The following ZFHX4 variants were observed in gnomAD, a reference collection of about 807,000 sequenced individuals.
ZFHX4 encodes zinc finger homeobox 4.
Under a neutral mutation model 267.6 loss-of-function variants are expected in ZFHX4, and 56 were observed. That is an observed-to-expected ratio of 0.21 (90% CI 0.17 to 0.26). The LOEUF is 0.26. Ranked by LOEUF, ZFHX4 falls within the 10% of genes least tolerant of loss-of-function variation. ZFHX4 has a pLI of 1.00. For synonymous variants in ZFHX4, 1,778 were observed against 1,665.6 expected (o/e 1.07, Z -1.64); for missense variants, 4,332 against 4,420.0 (o/e 0.98, Z 0.56).
intron 3 of ZFHX4, among the ~76,000 whole-genome samples, chr8:76,743,104 T>C (rs1029620707): frequency 2.0e-5 from 3 of 152,148 alleles, no homozygotes; most frequent in Non-Finnish European, 2.9e-5. Context: ...TGCAGAAGTA[T>C]GGGGAAAAGG....
chr8:76,701,332 T>C (rs1808097575), intron 1 of ZFHX4, among the ~76,000 whole-genome samples: 1 of 152,152 alleles, frequency 6.6e-6, no homozygotes, highest in Non-Finnish European at 1.5e-5. Context: ...TAGTTTCTGA[T>C]TTATGTGTAG....
At position 76,866,384 on chromosome 8, in the gene ZFHX4, T is replaced by C. The variant is rs2131990678; in HGVS notation, c.*1819T>C. On this transcript the variant is annotated 3_prime_UTR_variant, in exon 11 of 11. Transcript: ENST00000651372. ...ATTTTACATTTTATTATTGTACAGT[T>C]TTTGTTTCGGATGATGATCACAGCA... The C allele has an allele frequency of 6.5e-6, 1 of 152,680 alleles. No homozygotes were observed. The highest frequency in any genetic ancestry group is 2.4e-5 in the African/African-American group (1 of 41,560). The allele number at this position is 152,680 out of a possible 1,614,324, so 9.5% of individuals were successfully genotyped here.
intron 5 of ZFHX4, among the ~76,000 whole-genome samples, chr8:76,837,083 T>A (rs1328322973): frequency 6.6e-6 from 1 of 152,106 alleles, no homozygotes; most frequent in East Asian, 1.9e-4. Flanking sequence ...ATAGACTTTT[T>A]GGACATCCAG....
At chr8:76,717,482 T>C (rs1808607602) in intron 3 of ZFHX4, among the ~76,000 whole-genome samples, 1 of 152,216 alleles carries the variant, frequency 6.6e-6, no homozygotes, top group Non-Finnish European at 1.5e-5. Flanking sequence ...TATTAAAGAA[T>C]GTTCATTTAC....
intron 3 of ZFHX4, among the ~76,000 whole-genome samples, chr8:76,770,800 A>G (rs571159146): frequency 1.8e-4 from 28 of 152,242 alleles, no homozygotes; most frequent in African/African-American, 6.0e-4. Flanking sequence ...TAAATTGTCA[A>G]GGCTGAGGGA....
intron 4 of ZFHX4, chr8:76,782,236 G>A (rs1022997433): frequency 1.2e-5 from 5 of 422,780 alleles, no homozygotes; most frequent in Non-Finnish European, 2.4e-5. Context: ...TAATAGATGT[G>A]AGGAATTTCT....
In ZFHX4 at chr8:76,851,779, A is replaced by C; in HGVS notation, c.4858A>C (p.Lys1620Gln). ...CATGAGGTCTGTGCTCCACCAGACA[A>C]AGGCTAGGGCTGCAAAGCTGGAGCC... ...IHMRSVLHQT[K>Q]ARAAKLEPSG... Residue 1620 changes from lysine to glutamine, a missense_variant, in exon 10 of 11, where the codon AAG becomes CAG. By Grantham distance (53) the Lys-to-Gln change is moderately conservative. Around this residue, in one of 7 missense-constraint regions of ZFHX4, gnomAD observed 1,371 missense variants for 1,423.1 expected, o/e 0.96. Coordinates refer to ENST00000651372, the MANE Select transcript of ZFHX4 (RefSeq NM_024721.5). 1 of 1,613,978 alleles carries C rather than the reference A, an allele frequency of 6.2e-7. No homozygotes were observed. Among genetic ancestry groups the C allele is most frequent in the South Asian group, 1.1e-5 (1 of 91,082 alleles).
chr8:76,718,649 G>T (rs1303408653), intron 3 of ZFHX4, among the ~76,000 whole-genome samples: 1 of 152,024 alleles, frequency 6.6e-6, no homozygotes, highest in African/African-American at 2.4e-5. Flanking sequence ...AAACTAAAAT[G>T]AGATTTTTGA....
At position 76,707,570 on chromosome 8, in the gene ZFHX4, T is replaced by C. The variant is rs1808310167; in HGVS notation, c.2615T>C (p.Ile872Thr). 6.3e-7 allele frequency: 1 copy of C among 1,588,122 alleles called. No homozygotes were observed. The highest frequency in any genetic ancestry group is 8.6e-7 in the Non-Finnish European group (1 of 1,164,970). The change falls in exon 3 of 11, where the codon ATC (isoleucine) becomes ACC (threonine). Residue 872 changes from isoleucine to threonine, a missense_variant. Physicochemically the swap from Ile to Thr is moderately conservative, Grantham distance 89. Around this residue, in one of 7 missense-constraint regions of ZFHX4, gnomAD observed 1,195 missense variants for 1,173.6 expected, o/e 1.02. Coordinates refer to ENST00000651372, the MANE Select transcript of ZFHX4 (RefSeq NM_024721.5). ...GLVNNELPPEIRLASGQLMGD... is the reference protein window; with the variant it reads ...GLVNNELPPETRLASGQLMGD... Reference sequence around the variant, plus strand: ...GTAAATAATGAGCTGCCGCCTGAAATCCGGCTTGCCAGTGGTCAGCTAATG... The same window carrying C: ...GTAAATAATGAGCTGCCGCCTGAAACCCGGCTTGCCAGTGGTCAGCTAATG...
intron 3 of ZFHX4, among the ~76,000 whole-genome samples, chr8:76,736,313 G>C (rs1384960072): frequency 6.6e-6 from 1 of 151,704 alleles, no homozygotes; most frequent in Non-Finnish European, 1.5e-5. Flanking sequence ...TTTGAATTTA[G>C]TTTGAGAAAT....
Position 76,789,412 on chromosome 8 carries a change from G to C in ZFHX4, c.3325+10973G>C, listed in dbSNP as rs148365769. Among the ~76,000 whole-genome samples the C allele has an allele frequency of 8.2e-4, 125 of 152,270 alleles. 1 individual carries two copies. Among genetic ancestry groups the C allele is most frequent in the African/African-American group, 2.9e-3 (122 of 41,580 alleles). On this transcript the variant is annotated intron_variant, in intron 4 of 10. Transcript: ENST00000651372. ...TTGTGCAAAAACAATATTTTGTCAGGAAATAAATATGTGCATATCACGGTA... is the reference window on the plus strand; with the variant it reads ...TTGTGCAAAAACAATATTTTGTCAGCAAATAAATATGTGCATATCACGGTA...
chr8:76,815,870 G>T (rs1811493454), intron 4 of ZFHX4, among the ~76,000 whole-genome samples: 1 of 152,160 alleles, frequency 6.6e-6, no homozygotes, highest in South Asian at 2.1e-4. Flanking sequence ...TGGGGGCTAG[G>T]ATTTCAACAT....
At chr8:76,751,043 C>T (rs761987915) in intron 3 of ZFHX4, among the ~76,000 whole-genome samples, 12 of 152,094 alleles carry the variant, frequency 7.9e-5, no homozygotes, top group Non-Finnish European at 1.8e-4. Context: ...CCCCATATCA[C>T]CCAGTGTTTT....
intron 3 of ZFHX4, among the ~76,000 whole-genome samples, chr8:76,777,893 T>G (rs1005715165): frequency 2.6e-5 from 4 of 151,936 alleles, no homozygotes; most frequent in Admixed American, 2.0e-4. Flanking sequence ...TTGTTTTTTT[T>G]TTTTCTGAGA....
chr8:76,781,263 T>C (rs1810537752), intron 4 of ZFHX4, among the ~76,000 whole-genome samples: 1 of 152,144 alleles, frequency 6.6e-6, no homozygotes, highest in African/African-American at 2.4e-5. Flanking sequence ...AAGTGATTCC[T>C]GATAATGAAT....
At chr8:76,723,668 T>C (rs986288778) in intron 3 of ZFHX4, among the ~76,000 whole-genome samples, 1 of 151,822 alleles carries the variant, frequency 6.6e-6, no homozygotes, top group South Asian at 2.1e-4. Flanking sequence ...AGGATGGACA[T>C]AGGCTTTGCT....
intron 1 of ZFHX4, among the ~76,000 whole-genome samples, chr8:76,691,715 A>G (rs1261044070): frequency 1.3e-5 from 2 of 152,054 alleles, no homozygotes; most frequent in Non-Finnish European, 2.9e-5. Flanking sequence ...CCTGAGCCTC[A>G]GTTTTCTCAT....
At chr8:76,739,321 T>G (rs1413495607) in intron 3 of ZFHX4, among the ~76,000 whole-genome samples, 1 of 152,210 alleles carries the variant, frequency 6.6e-6, no homozygotes, top group African/African-American at 2.4e-5. Context: ...TTCATCTTGC[T>G]CCTTGAAAAT....
intron 4 of ZFHX4, among the ~76,000 whole-genome samples, chr8:76,818,614 A>G (rs1373374675): frequency 1.3e-5 from 2 of 152,106 alleles, no homozygotes. Flanking sequence ...AGAAAAGAGC[A>G]TTAAAAATGA....
Sources: gnomAD v4.1 joint callset for allele counts (sites outside exome capture counted in the v4.1 genomes callset) on GRCh38, gnomAD v4.1.1 for gene constraint, gnomAD v4.1.1 regional missense constraint, MANE v1.5 for transcripts, NCBI Gene and HGNC (gene_info 2026-07-23, HGNC 2026-07-21) for gene names.